GOLIM4: variants seen among roughly 807,000 people sequenced by gnomAD.
GOLIM4 encodes golgi integral membrane protein 4.
A neutral mutation model predicts 107.4 loss-of-function variants in GOLIM4; 71 were observed. The observed-to-expected ratio is 0.66, with a 90% CI of 0.55 to 0.81. GOLIM4 has a LOEUF of 0.81. GOLIM4 is among the 30% of genes least tolerant of loss of function. The pLI is 0.00. For synonymous variants in GOLIM4, 327 were observed against 294.8 expected (o/e 1.11, Z -1.12); for missense variants, 830 against 826.1 (o/e 1.00, Z -0.06).
intron 13 of GOLIM4, 31 bp from the exon 14 acceptor site, chr3:168,024,625 A>C: frequency 6.4e-7 from 1 of 1,550,990 alleles, no homozygotes; most frequent in Non-Finnish European, 8.9e-7. Context: ...GGTTCATGTT[A>C]CTGTACATCA....
chr3:168,029,337 A>G, intron 10 of GOLIM4, 35 bp from the exon 11 acceptor site: 1 of 1,368,494 alleles, frequency 7.3e-7, no homozygotes, highest in Non-Finnish European at 1.0e-6. Flanking sequence ...ATCCAGTGGG[A>G]CAAAATTCAG....
chr3:168,048,139 T>C, intron 2 of GOLIM4, 152 bp downstream of exon 2: 1 of 645,338 alleles, frequency 1.5e-6, no homozygotes, highest in East Asian at 2.8e-5. Flanking sequence ...CAATGCATAA[T>C]ATATTACTTG....
intron 1 of GOLIM4, among the ~76,000 whole-genome samples, chr3:168,078,917 G>C (rs1418993016): frequency 1.3e-5 from 2 of 150,576 alleles, no homozygotes; most frequent in East Asian, 3.9e-4. Flanking sequence ...AAATGCTTGT[G>C]TTTTGAACAT....
intron 1 of GOLIM4, among the ~76,000 whole-genome samples, chr3:168,075,731 C>T (rs1721055402): frequency 6.6e-6 from 1 of 152,132 alleles, no homozygotes; most frequent in Non-Finnish European, 1.5e-5. Flanking sequence ...CTATCATATG[C>T]ATAAAAAGCA....
rs949254027 is a variant in GOLIM4 at position 168,048,023 on chromosome 3, A to G, written c.262+268T>C. Among the ~76,000 whole-genome samples, 2 of 151,610 alleles carry G rather than the reference A, an allele frequency of 1.3e-5. 1 individual carries two copies. On this transcript the variant is annotated intron_variant, in intron 2 of 15. Coordinates refer to ENST00000470487, the MANE Select transcript of GOLIM4 (RefSeq NM_014498.5). ...CCGTTTAATATGCAGATGAAAAATT[A>G]TATGTTATTCCTGAAATAATAAGTG...
Position 168,040,816 on chromosome 3 carries a change from T to C in GOLIM4, c.654A>G (p.Glu218=), listed in dbSNP as rs1718953307. ...CAGCAGCTAGTGCACTCTTGTGGTC[T>C]TCCAAAGTCACTACAAGTTGTTCAT... is the stretch of plus-strand genomic sequence containing the variant. ...SEHEQLVVTL[E]DHKSALAAAQ... Residue 218 remains glutamate (E), a synonymous_variant, in exon 7 of 16, where the codon GAA becomes GAG. Transcript: ENST00000470487. 4 of 1,613,318 alleles carry C rather than the reference T, an allele frequency of 2.5e-6. No individual in the cohort carries two copies. The South Asian group carries it at 3.3e-5, about 13-fold the overall frequency.
chr3:168,057,241 G>GT (rs1460618794), intron 1 of GOLIM4, among the ~76,000 whole-genome samples: 3 of 152,182 alleles, frequency 2.0e-5, no homozygotes, highest in Non-Finnish European at 4.4e-5. Flanking sequence ...TTGTGGAACT[G>GT]TAAGTCCAAT....
At position 168,061,839 on chromosome 3, in the gene GOLIM4, C is replaced by A. The variant is rs554692793; in HGVS notation, c.188-13474G>T. 2.0e-5 allele frequency among the ~76,000 whole-genome samples: 3 copies of A among 152,236 alleles called. No homozygotes were observed. In the South Asian group the frequency reaches 6.2e-4, roughly 32 times the overall value. On this transcript the variant is annotated intron_variant, in intron 1 of 15. Coordinates refer to ENST00000470487, the MANE Select transcript of GOLIM4 (RefSeq NM_014498.5). ...ATAACTGGAAGAGAGTAAGAGGGAG[C>A]ATTTTTGAGTGCCAGTGATGTTCTG...
At chr3:168,095,068 C>A in intron 1 of GOLIM4, 31 bp downstream of exon 1, 1 of 1,555,502 alleles carries the variant, frequency 6.4e-7, no homozygotes, top group Non-Finnish European at 8.8e-7. Context: ...GCAAAGTTGG[C>A]CACCGGCTGC....
intron 12 of GOLIM4, among the ~76,000 whole-genome samples, chr3:168,026,313 A>G (rs1187870970): frequency 1.3e-5 from 2 of 152,210 alleles, no homozygotes; most frequent in Non-Finnish European, 2.9e-5. Context: ...TACAGGAAAA[A>G]TGTAACATAT....
intron 1 of GOLIM4, among the ~76,000 whole-genome samples, chr3:168,059,499 T>G (rs1328025572): frequency 2.0e-5 from 3 of 152,248 alleles, no homozygotes; most frequent in African/African-American, 7.2e-5. Context: ...TTAAGGTTAC[T>G]ACTGCATCCC....
At chr3:168,066,647 AC>A (rs1176971377) in intron 1 of GOLIM4, among the ~76,000 whole-genome samples, 1 of 152,076 alleles carries the variant, frequency 6.6e-6, no homozygotes, top group African/African-American at 2.4e-5. Flanking sequence ...ATCATAACAA[AC>A]TATACTTTTA....
chr3:168,089,313 C>T (rs555467925), intron 1 of GOLIM4, among the ~76,000 whole-genome samples: 7 of 152,284 alleles, frequency 4.6e-5, no homozygotes, highest in East Asian at 3.9e-4. Context: ...TAAGTTCTAA[C>T]GCTGCACTTG....
At chr3:168,026,150 TC>T (rs1560073418) in intron 12 of GOLIM4, among the ~76,000 whole-genome samples, 1 of 152,138 alleles carries the variant, frequency 6.6e-6, no homozygotes, top group East Asian at 1.9e-4. Context: ...TATCTGCACA[TC>T]CCTGGCCATG....
rs144831489 is a variant in GOLIM4 at position 168,036,529 on chromosome 3, AT to A, written c.843+306del. On this transcript the variant is annotated intron_variant, in intron 8 of 15. Coordinates refer to ENST00000470487, the MANE Select transcript of GOLIM4 (RefSeq NM_014498.5). ...TGCACTCCAGCCTGGACGACGTAGC[AT>A]GACACTGTCTCAGAGAAAAAAAGAA... Among the ~76,000 whole-genome samples the A allele has an allele frequency of 9.5e-3, 1,448 of 152,330 alleles. 26 individuals are homozygous for A. The highest frequency in any genetic ancestry group is 0.033 in the African/African-American group (1,376 of 41,560).
At position 168,029,967 on chromosome 3, in the gene GOLIM4, G is replaced by A; in HGVS notation, c.1246C>T (p.Leu416=). 1 of 1,614,192 alleles carries A rather than the reference G, an allele frequency of 6.2e-7. No individual in the cohort carries two copies. Among genetic ancestry groups the A allele is most frequent in the Non-Finnish European group, 8.5e-7 (1 of 1,180,026 alleles). Residue 416 remains leucine, a synonymous_variant, in exon 10 of 16, where the codon CTG becomes TTG. Coordinates refer to ENST00000470487, the MANE Select transcript of GOLIM4 (RefSeq NM_014498.5). The part of the protein sequence containing the change: ...PYEEQLEQQR[L]AVQQVEEAQQ... ...GCCTCCTCCACCTGCTGCACTGCCA[G>A]TCTCTGCTGTTCCAACTGTTCCTCA...
chr3:168,029,122 T>C (rs957828048), intron 11 of GOLIM4, 101 bp downstream of exon 11: 1 of 717,834 alleles, frequency 1.4e-6, no homozygotes, highest in African/African-American at 1.8e-5. Flanking sequence ...CACTTAGGTA[T>C]GCATACAGCT....
intron 1 of GOLIM4, among the ~76,000 whole-genome samples, chr3:168,071,538 G>A (rs1720830822): frequency 6.6e-6 from 1 of 151,356 alleles, no homozygotes; most frequent in Non-Finnish European, 1.5e-5. Context: ...CACTTTCCCC[G>A]GCGCCCCCCT....
chr3:168,054,352 C>CT (rs1288732790), intron 1 of GOLIM4, among the ~76,000 whole-genome samples: 1 of 152,214 alleles, frequency 6.6e-6, no homozygotes, highest in Non-Finnish European at 1.5e-5. Flanking sequence ...AGCAGCCTCT[C>CT]TGTTAGGCTT....
Sources: allele counts gnomAD v4.1 joint callset (sites outside exome capture counted in the v4.1 genomes callset), GRCh38; gene constraint gnomAD v4.1.1; transcripts MANE v1.5; gene names NCBI Gene and HGNC (gene_info 2026-07-23, HGNC 2026-07-21).